Variants in MGAT4C observed in about 807,000 individuals in gnomAD.
MGAT4C encodes the protein MGAT4 family member C.
In MGAT4C, 19 loss-of-function variants were observed where a neutral mutation model predicts 40.1. The ratio of observed to expected loss-of-function variants is 0.47; its 90% CI spans 0.33 to 0.70. The LOEUF (loss-of-function observed/expected upper bound fraction) is 0.70, where lower values mean the gene tolerates loss of function less well. Among genes scored for constraint, MGAT4C ranks in the 30% least tolerant of loss-of-function variants. MGAT4C has a pLI of 0.02. For missense variants in MGAT4C, 491 were observed against 563.2 expected, an observed-to-expected ratio of 0.87 and a Z score of 1.30; for synonymous variants, 181 against 187.1, an observed-to-expected ratio of 0.97 and a Z score of 0.27.
In MGAT4C at chr12:85,980,237, A is replaced by G. The variant is rs1230542473; in HGVS notation, c.489T>C (p.His163=). 2 of 1,613,784 alleles carry G rather than the reference A, an allele frequency of 1.2e-6. No homozygotes were observed. Among genetic ancestry groups the G allele is most frequent in the Non-Finnish European group, 1.7e-6 (2 of 1,179,888 alleles). Residue 163 remains histidine, a synonymous_variant, in exon 5 of 5, where the codon CAT becomes CAC. Transcript: ENST00000611864. ...TAACCATTAATCTTCCTGCAATAATATGGTGCGCAAATTTCTGTGTAATAT... is the reference window on the plus strand; with the variant it reads ...TAACCATTAATCTTCCTGCAATAATGTGGTGCGCAAATTTCTGTGTAATAT... ...VQDITQKFAH[H]IIAGRLMVIH... is the part of the protein sequence containing the mutation.
At chr12:86,698,255 C>CA (rs1172988068) in intron 2 of MGAT4C, among the ~76,000 whole-genome samples, 1 of 151,506 alleles carries the variant, frequency 6.6e-6, no homozygotes, top group Non-Finnish European at 1.5e-5. Context: ...ATAGATTCAC[C>CA]AAAAAATCCT....
chr12:86,302,609 AG>A (rs1429769011), intron 4 of MGAT4C, among the ~76,000 whole-genome samples: 2 of 150,500 alleles, frequency 1.3e-5, no homozygotes, highest in Non-Finnish European at 2.9e-5. Flanking sequence ...TTGTATTTTT[AG>A]TAGAGACAGG....
chr12:86,787,678 G>C (rs1951955962), intron 1 of MGAT4C, among the ~76,000 whole-genome samples: 1 of 152,112 alleles, frequency 6.6e-6, no homozygotes, highest in South Asian at 2.1e-4. Context: ...TGGTGAGAAG[G>C]CAAATTAGTG....
rs1379384284 is a variant in MGAT4C, at chr12:85,983,603, G to A, written c.215C>T (p.Thr72Ile). 3 of 1,596,718 alleles carry A rather than the reference G, an allele frequency of 1.9e-6. No homozygotes were observed. The highest frequency in any genetic ancestry group is 2.7e-5 in the African/African-American group (2 of 73,986). Reference protein sequence around the residue: ...HQLNSERYVHTFKDLSNFSGA... With the variant: ...HQLNSERYVHIFKDLSNFSGA... Reference sequence around the variant, plus strand: ...TGAGAAATTAGATAAATCCTTGAAAGTATGAACATAGCGTTCTGAATTCAG... The same window carrying A: ...TGAGAAATTAGATAAATCCTTGAAAATATGAACATAGCGTTCTGAATTCAG... Residue 72 changes from threonine (T) to isoleucine (I), a missense_variant, in exon 4 of 5, where the codon ACT becomes ATT. By Grantham distance (89) the Thr-to-Ile change is moderately conservative. Transcript: ENST00000611864.
At chr12:86,264,841 T>C (rs1043840110) in intron 4 of MGAT4C, among the ~76,000 whole-genome samples, 20 of 152,034 alleles carry the variant, frequency 1.3e-4, no homozygotes, top group Non-Finnish European at 2.6e-4. Flanking sequence ...CCAGGTGCTG[T>C]CACAAACCCA....
At position 86,469,109 on chromosome 12, in the gene MGAT4C, A is replaced by G. The variant is rs769430454; in HGVS notation, c.-228-33844T>C. Among the ~76,000 whole-genome samples the G allele has an allele frequency of 8.5e-4, 130 of 152,114 alleles. 1 individual carries two copies. The highest frequency in any genetic ancestry group is 2.6e-4 in the Admixed American group (4 of 15,254). ...TATCCTATGGCCTAAAACACACGAT[A>G]CTTACCAAAAAGTATTTGTTGAAAT... On this transcript the variant is annotated intron_variant, in intron 2 of 7. Coordinates refer to the MGAT4C transcript ENST00000548651.
rs1888219434 is a variant in MGAT4C, at chr12:86,009,311, T to C, written c.-6-19759A>G. Among the ~76,000 whole-genome samples, 4 of 152,338 alleles carry C rather than the reference T, an allele frequency of 2.6e-5. No homozygotes were observed. The Middle Eastern group carries it at 0.014, about 518-fold the overall frequency. ...CAACTGTTCCTTTCCAGTGATTCTT[T>C]AGTAGCCTTGAATAGTTTCTTCACA... On this transcript the variant is annotated intron_variant, in intron 2 of 4. Coordinates refer to ENST00000611864, the MANE Select transcript of MGAT4C (RefSeq NM_001351288.2).
chr12:86,307,388 A>G (rs1385480801), intron 4 of MGAT4C, among the ~76,000 whole-genome samples: 1 of 150,522 alleles, frequency 6.6e-6, no homozygotes, highest in Non-Finnish European at 1.5e-5. Context: ...CATGTTTTAT[A>G]TAGTGGATTT....
chr12:86,458,206 A>T (rs1051803458), intron 2 of MGAT4C, among the ~76,000 whole-genome samples: 12 of 152,180 alleles, frequency 7.9e-5, no homozygotes, highest in Non-Finnish European at 1.2e-4. Context: ...ACTTAAAATC[A>T]TTACAGACAA....
intron 1 of MGAT4C, among the ~76,000 whole-genome samples, chr12:86,806,430 C>CTA (rs1566002808): frequency 1.4e-5 from 2 of 147,494 alleles, no homozygotes; most frequent in African/African-American, 4.9e-5. Flanking sequence ...TTACTTACAT[C>CTA]TGTGTGTGTG....
At chr12:86,203,048 GTGTGTGTT>G (rs1305938876) in intron 1 of MGAT4C, among the ~76,000 whole-genome samples, 20 of 93,062 alleles carry the variant, frequency 2.1e-4, no homozygotes, top group South Asian at 3.8e-4. Context: ...GTGTGTGTGT[GTGTGTGTT>G]TTTACATAGC....
intron 2 of MGAT4C, among the ~76,000 whole-genome samples, chr12:86,548,495 C>T (rs767936197): frequency 4.5e-4 from 68 of 152,046 alleles, no homozygotes; most frequent in Non-Finnish European, 8.4e-4. Flanking sequence ...AGCAAATTCC[C>T]GTTTACGCAG....
rs71076174 is a variant in MGAT4C at position 86,248,194 on chromosome 12, TCTTCCTTCCTTC to T, written c.-57+8033_-57+8044del. 9.4e-3 allele frequency among the ~76,000 whole-genome samples: 1,321 copies of T among 140,404 alleles called. 10 individuals carry two copies. The highest frequency in any genetic ancestry group is 0.014 in the African/African-American group (535 of 37,318). The allele number at this position is 140,404 out of a possible 152,430, so 92.1% of individuals were successfully genotyped here. A position where few individuals can be genotyped will look rare whatever the true frequency, so the allele number is the denominator to read the frequency against. On this transcript the variant is annotated intron_variant, in intron 1 of 4. Transcript: ENST00000611864. ...GTACACAAAGAAAGAACCTAGTTTC[TCTTCCTTCCTTC>T]CTTCCTTCCTTCCTTCCTTCCTTCC...
chr12:86,606,089 C>G (rs1056212007), intron 2 of MGAT4C, among the ~76,000 whole-genome samples: 1 of 151,786 alleles, frequency 6.6e-6, no homozygotes, highest in Admixed American at 6.6e-5. Flanking sequence ...CTTATAAAAC[C>G]ATTAGATCTC....
At chr12:86,051,114 C>T (rs1001189801) in intron 1 of MGAT4C, among the ~76,000 whole-genome samples, 5 of 152,032 alleles carry the variant, frequency 3.3e-5, no homozygotes, top group East Asian at 3.9e-4. Flanking sequence ...TTTGAAACAT[C>T]GATGAAGAGA....
At position 86,308,546 on chromosome 12, in the gene MGAT4C, ATTGT is replaced by A. The variant is rs890997510; in HGVS notation, c.-57+25515_-57+25518del. Reference sequence around the variant, plus strand: ...AAATAGGGATTTAGGCATTTATTTGATTGTTTGTTGTTTCACGAAAAGCTTGATT... The same window carrying A: ...AAATAGGGATTTAGGCATTTATTTGATTGTTGTTTCACGAAAAGCTTGATT... On this transcript the variant is annotated intron_variant, in intron 4 of 7. Coordinates refer to the MGAT4C transcript ENST00000548651. Among the ~76,000 whole-genome samples the A allele has an allele frequency of 4.9e-4, 74 of 150,624 alleles. 3 individuals carry two copies. Among genetic ancestry groups the A allele is most frequent in the African/African-American group, 9.5e-4 (38 of 40,076 alleles).
intron 1 of MGAT4C, among the ~76,000 whole-genome samples, chr12:86,156,856 A>AT (rs1315047476): frequency 1.3e-5 from 2 of 152,242 alleles, no homozygotes; most frequent in East Asian, 3.9e-4. Flanking sequence ...TCAAAAATTT[A>AT]TTTTTTCCAC....
Position 85,978,620 on chromosome 12 carries a change from C to T in MGAT4C, c.*669G>A, listed in dbSNP as rs1458154850. 1 of 151,164 alleles carries T rather than the reference C, an allele frequency of 6.6e-6. No individual in the cohort carries two copies. Among genetic ancestry groups the T allele is most frequent in the Non-Finnish European group, 1.5e-5 (1 of 67,392 alleles). 9.4% of individuals were successfully genotyped at this position (151,164 alleles called of 1,614,324 possible). A position where few individuals can be genotyped will look rare whatever the true frequency, so the allele number is the denominator to read the frequency against. On this transcript the variant is annotated 3_prime_UTR_variant, in exon 5 of 5. Transcript: ENST00000611864. ...AAGGGAAACTTGAAAAAGACTGCTT[C>T]CCCCAGAAAATTTATCAACAATAGG...
chr12:86,758,584 C>T (rs1951346804), intron 1 of MGAT4C, among the ~76,000 whole-genome samples: 2 of 151,844 alleles, frequency 1.3e-5, no homozygotes, highest in South Asian at 2.1e-4. Flanking sequence ...TTATATTATT[C>T]AGATAAGTGC....
Sources: allele counts gnomAD v4.1 joint callset (sites outside exome capture counted in the v4.1 genomes callset), GRCh38; gene constraint gnomAD v4.1.1; transcripts MANE v1.5; gene names NCBI Gene and HGNC (gene_info 2026-07-23, HGNC 2026-07-21).